GIGYF2: variants seen among roughly 807,000 people sequenced by gnomAD.
GIGYF2 encodes the protein GRB10-interacting GYF protein 2.
In GIGYF2, 25 loss-of-function variants were observed where a neutral mutation model predicts 208.1. That is an observed-to-expected ratio of 0.12 (90% CI 0.09 to 0.17). GIGYF2 has a LOEUF of 0.17. Ranked by LOEUF, GIGYF2 falls within the 10% of genes least tolerant of loss-of-function variation. The pLI, the probability that GIGYF2 is intolerant of heterozygous loss-of-function variation, is 1.00. For synonymous variants in GIGYF2, 534 were observed against 543.8 expected (o/e 0.98, Z 0.25); for missense variants, 1,302 against 1,579.4 (o/e 0.82, Z 2.98).
intron 28 of GIGYF2, among the ~76,000 whole-genome samples, chr2:232,856,579 C>T (rs1165512080): frequency 6.6e-6 from 1 of 152,102 alleles, no homozygotes; most frequent in Non-Finnish European, 1.5e-5. Flanking sequence ...TGTAATCCAG[C>T]TACTTGGGAG....
Position 232,728,657 on chromosome 2 carries a change from C to A in GIGYF2, c.-43-6498C>A, listed in dbSNP as rs111786553. 7.2e-3 allele frequency among the ~76,000 whole-genome samples: 1,101 copies of A among 152,220 alleles called. 7 individuals are homozygous for A. The highest frequency in any genetic ancestry group is 0.011 in the Non-Finnish European group (749 of 68,000). On this transcript the variant is annotated intron_variant, in intron 2 of 28. Transcript: ENST00000373563. ...TAATTGCAGGGGTGGGATCATCTCTCCCAGCTAGTGGCCGGTTACAAATTT... is the reference window on the plus strand; with the variant it reads ...TAATTGCAGGGGTGGGATCATCTCTACCAGCTAGTGGCCGGTTACAAATTT...
intron 12 of GIGYF2, among the ~76,000 whole-genome samples, chr2:232,792,089 A>C (rs889627584): frequency 6.6e-6 from 1 of 152,188 alleles, no homozygotes; most frequent in Non-Finnish European, 1.5e-5. Flanking sequence ...GACACTGCAC[A>C]ATCTGGCATC....
chr2:232,735,298 T>A, intron 3 of GIGYF2, 60 bp downstream of exon 3: 1 of 1,180,916 alleles, frequency 8.5e-7, no homozygotes, highest in Non-Finnish European at 1.3e-6. Context: ...AGTAAAGTAT[T>A]TGACAGGTGC....
intron 2 of GIGYF2, chr2:232,724,797 C>T (rs1398116445): frequency 1.3e-5 from 2 of 152,148 alleles, no homozygotes; most frequent in Non-Finnish European, 2.9e-5. Flanking sequence ...GAGTAATCCT[C>T]CTGCCTCAGT....
At chr2:232,777,570 T>C (rs906829270) in intron 8 of GIGYF2, among the ~76,000 whole-genome samples, 2 of 152,090 alleles carry the variant, frequency 1.3e-5, no homozygotes, top group Admixed American at 6.6e-5. Context: ...ACCAATATAA[T>C]GCTACTTAGA....
rs185417045 is a variant in GIGYF2 at position 232,784,676 on chromosome 2, C to T, written c.533-2474C>T. The stretch of plus-strand genomic sequence containing the variant: ...ACAGGTGTGAGCCACCGCGCCTGGC[C>T]ACAAAATAATTTATAAAAGCTGCAA... On this transcript the variant is annotated intron_variant, in intron 8 of 28. Coordinates refer to ENST00000373563, the MANE Select transcript of GIGYF2 (RefSeq NM_001103146.3). Among the ~76,000 whole-genome samples, 22 of 152,174 alleles carry T rather than the reference C, an allele frequency of 1.4e-4. No homozygotes were observed. The East Asian group carries it at 3.3e-3, about 23-fold the overall frequency.
At chr2:232,764,373 G>T (rs1397922150) in intron 8 of GIGYF2, 2 of 152,250 alleles carry the variant, frequency 1.3e-5, no homozygotes, top group Non-Finnish European at 2.9e-5. Context: ...TAGGCCCATT[G>T]TCTTTTATGT....
chr2:232,771,407 T>C, intron 8 of GIGYF2: 1 of 1,388,300 alleles, frequency 7.2e-7, no homozygotes, highest in Non-Finnish European at 1.0e-6. Context: ...TAGTAAGCTC[T>C]TAACTGTTTT....
chr2:232,741,105 A>G (rs1403173818), intron 3 of GIGYF2, among the ~76,000 whole-genome samples: 2 of 152,190 alleles, frequency 1.3e-5, no homozygotes, highest in Non-Finnish European at 2.9e-5. Context: ...TCAGCTGCCT[A>G]TCTGATTTTT....
rs147306587 is a variant in GIGYF2 at position 232,773,253 on chromosome 2, C to T, written c.532+11817C>T. 7.2e-5 allele frequency among the ~76,000 whole-genome samples: 11 copies of T among 152,238 alleles called. No individual in the cohort carries two copies. In the East Asian group the frequency reaches 7.7e-4, roughly 11 times the overall value. ...AATGTTTTAGGAGACCTGATCTCTA[C>T]GCTTTGGAAACAACAAAATCTTCAT... On this transcript the variant is annotated intron_variant, in intron 8 of 28. Transcript: ENST00000373563.
chr2:232,789,258 C>G (rs1027846766), intron 9 of GIGYF2, among the ~76,000 whole-genome samples: 3 of 151,872 alleles, frequency 2.0e-5, no homozygotes, highest in Non-Finnish European at 4.4e-5. Flanking sequence ...GCTGGATGTG[C>G]GTGGGGGTGG....
chr2:232,836,720 C>T (rs962242539), intron 22 of GIGYF2, among the ~76,000 whole-genome samples: 1 of 151,858 alleles, frequency 6.6e-6, no homozygotes, highest in Non-Finnish European at 1.5e-5. Context: ...AACTAGTTTT[C>T]TCAGATAAGG....
chr2:232,761,419 C>T lies in GIGYF2; in HGVS notation c.515C>T (p.Pro172Leu). Reference protein sequence around the residue: ...EERGDRRFEKPGRKDVGRPNF... With the variant: ...EERGDRRFEKLGRKDVGRPNF... The stretch of plus-strand genomic sequence containing the variant: ...AGGGGTGACAGACGTTTTGAAAAAC[C>T]AGGACGAAAAGATGTAGGTAAGGTT... The change falls in exon 8 of 29, where the codon CCA (proline) becomes CTA (leucine). Residue 172 changes from proline to leucine, a missense_variant. Physicochemically the swap from Pro to Leu is moderately conservative, Grantham distance 98 (BLOSUM62 -3). Transcript: ENST00000373563. 1.2e-6 allele frequency: 2 copies of T among 1,604,486 alleles called. No individual in the cohort carries two copies. The highest frequency in any genetic ancestry group is 2.2e-5 in the East Asian group (1 of 44,756).
intron 2 of GIGYF2, among the ~76,000 whole-genome samples, chr2:232,715,912 A>G (rs1696655987): frequency 6.6e-6 from 1 of 152,044 alleles, no homozygotes; most frequent in Non-Finnish European, 1.5e-5. Context: ...TGGGACTGTA[A>G]AAGTATTTCA....
intron 14 of GIGYF2, among the ~76,000 whole-genome samples, chr2:232,796,979 T>C (rs532682505): frequency 4.5e-4 from 68 of 152,216 alleles, no homozygotes; most frequent in Admixed American, 1.3e-3. Flanking sequence ...AGCTCTGGCA[T>C]CTCAGTTGGT....
At chr2:232,799,552 A>AAAT (rs55730253) in intron 14 of GIGYF2, among the ~76,000 whole-genome samples, 5,788 of 146,794 alleles carry the variant, frequency 0.039, 315 homozygotes, top group African/African-American at 0.12. Flanking sequence ...CCTGTCTTTA[A>AAAT]AATAATAATA....
chr2:232,835,984 A>G (rs192019606), intron 22 of GIGYF2, among the ~76,000 whole-genome samples: 128 of 152,070 alleles, frequency 8.4e-4, no homozygotes, highest in Non-Finnish European at 1.4e-3. Flanking sequence ...ATTATATCCA[A>G]ACAGCACTGA....
chr2:232,843,607 C>T (rs1430388925), intron 23 of GIGYF2, among the ~76,000 whole-genome samples: 1 of 149,128 alleles, frequency 6.7e-6, no homozygotes, highest in Non-Finnish European at 1.5e-5. Flanking sequence ...GGCACTGTGG[C>T]TCATGCCTGT....
chr2:232,815,392 G>A (rs1479058929), intron 18 of GIGYF2, among the ~76,000 whole-genome samples: 2 of 152,174 alleles, frequency 1.3e-5, no homozygotes, highest in Admixed American at 1.3e-4. Flanking sequence ...AAACATTATA[G>A]GGCTTTGTAA....
Sources: gnomAD v4.1 joint callset for allele counts (sites outside exome capture counted in the v4.1 genomes callset) on GRCh38, gnomAD v4.1.1 for gene constraint, MANE v1.5 for transcripts, NCBI Gene and HGNC (gene_info 2026-07-23, HGNC 2026-07-21) for gene names.